Variants in SNAP23 observed in about 807,000 individuals in gnomAD.
SNAP23 encodes synaptosomal-associated protein 23.
Under a neutral mutation model 29.0 loss-of-function variants are expected in SNAP23, and 11 were observed. That is an observed-to-expected ratio of 0.38 (90% CI 0.24 to 0.63). The LOEUF is 0.63. Ranked by LOEUF, SNAP23 falls within the 20% of genes least tolerant of loss-of-function variation. The pLI is 0.58. For synonymous variants in SNAP23, 60 were observed against 82.9 expected (o/e 0.72, Z 1.50); for missense variants, 220 against 253.9 (o/e 0.87, Z 0.91).
upstream of SNAP23, among the ~76,000 whole-genome samples, chr15:42,494,293 C>T (rs2057196943): frequency 6.6e-6 from 1 of 151,846 alleles, no homozygotes; most frequent in Admixed American, 6.6e-5. Flanking sequence ...ACAGCTTTCA[C>T]TGAGATAATC....
At chr15:42,527,356 G>A (rs1381674955) in intron 5 of SNAP23, among the ~76,000 whole-genome samples, 1 of 151,846 alleles carries the variant, frequency 6.6e-6, no homozygotes, top group Non-Finnish European at 1.5e-5. Context: ...CTGGAACTAC[G>A]CTGGTTCAAA....
chr15:42,524,814 C>G (rs903558525), intron 5 of SNAP23, among the ~76,000 whole-genome samples: 12 of 152,246 alleles, frequency 7.9e-5, no homozygotes, highest in African/African-American at 2.9e-4. Flanking sequence ...ATTTTATTAA[C>G]TTAGATAAGC....
At chr15:42,515,541 AC>A (rs933505663) in intron 5 of SNAP23, among the ~76,000 whole-genome samples, 187 bp downstream of exon 5, 4 of 152,208 alleles carry the variant, frequency 2.6e-5, no homozygotes, top group Non-Finnish European at 5.9e-5. Flanking sequence ...ACTGTGACTT[AC>A]ATTTGACCAA....
intron 6 of SNAP23, among the ~76,000 whole-genome samples, chr15:42,529,454 CAG>C (rs536250710): frequency 1.0e-3 from 153 of 152,270 alleles, no homozygotes; most frequent in Non-Finnish European, 1.7e-3. Context: ...AACACTGTTT[CAG>C]AGTTTCTTTC....
At position 42,531,803 on chromosome 15, in the gene SNAP23, T is replaced by C; in HGVS notation, c.*325T>C. The C allele has an allele frequency of 5.1e-6, 1 of 195,932 alleles. No homozygotes were observed. The highest frequency in any genetic ancestry group is 1.0e-5 in the Non-Finnish European group (1 of 97,150). 12.1% of individuals were successfully genotyped at this position (195,932 alleles called of 1,614,324 possible). A position where few individuals can be genotyped will look rare whatever the true frequency, so the allele number is the denominator to read the frequency against. ...TTGGAAGCATTGCCAAAGACAGCCA[T>C]GAAGAAGGAAGCTGTAGAGGTGTTT... On this transcript the variant is annotated 3_prime_UTR_variant, in exon 8 of 8. Transcript: ENST00000249647.
intron 1 of SNAP23, among the ~76,000 whole-genome samples, chr15:42,496,208 G>T (rs976385103): frequency 5.9e-5 from 9 of 152,118 alleles, no homozygotes; most frequent in Non-Finnish European, 1.2e-4. Context: ...GTGGTGGGGG[G>T]AAAAAGTACT....
chr15:42,504,757 A>C (rs2057304092), intron 1 of SNAP23, among the ~76,000 whole-genome samples: 1 of 152,204 alleles, frequency 6.6e-6, no homozygotes, highest in Non-Finnish European at 1.5e-5. Flanking sequence ...ACTTGGGGTC[A>C]CACAACAAAT....
At chr15:42,527,553 T>C (rs147634602) in intron 5 of SNAP23, among the ~76,000 whole-genome samples, 1,530 of 151,924 alleles carry the variant, frequency 0.01, 34 homozygotes, top group African/African-American at 0.035. Context: ...ACCCAGCTAA[T>C]GTTTGTATTT....
chr15:42,525,185 G>A (rs139766543), intron 5 of SNAP23, among the ~76,000 whole-genome samples: 1,900 of 151,898 alleles, frequency 0.013, 19 homozygotes, highest in African/African-American at 0.033. Context: ...TGGCTAACAC[G>A]GTGAAACCCT....
At chr15:42,517,215 C>T (rs1041813063) in intron 5 of SNAP23, among the ~76,000 whole-genome samples, 5 of 152,158 alleles carry the variant, frequency 3.3e-5, no homozygotes, top group South Asian at 4.1e-4. Flanking sequence ...CCACTGCTCC[C>T]GGCCAAAAGT....
At chr15:42,511,536 T>C (rs2141523490) in intron 1 of SNAP23, among the ~76,000 whole-genome samples, 1 of 152,334 alleles carries the variant, frequency 6.6e-6, no homozygotes, top group South Asian at 2.1e-4. Context: ...TGTCTTCCAG[T>C]AATGCCTTGC....
intron 5 of SNAP23, among the ~76,000 whole-genome samples, chr15:42,526,163 T>G (rs550111541): frequency 1.3e-5 from 2 of 152,366 alleles, no homozygotes; most frequent in African/African-American, 4.8e-5. Context: ...TTGTGGTTAT[T>G]AACTTTCTGA....
chr15:42,494,762 G>A (rs62019280), upstream of SNAP23, among the ~76,000 whole-genome samples: 2 of 152,054 alleles, frequency 1.3e-5, no homozygotes, highest in East Asian at 3.9e-4. Flanking sequence ...TGATCTGCCC[G>A]CTTCAGCCTC....
chr15:42,500,744 A>G (rs2057262699), intron 1 of SNAP23, among the ~76,000 whole-genome samples: 1 of 152,210 alleles, frequency 6.6e-6, no homozygotes, highest in Admixed American at 6.6e-5. Flanking sequence ...AGAAGGATCC[A>G]GTGCCTCTAA....
intron 6 of SNAP23, 54 bp downstream of exon 6, chr15:42,528,474 A>G: frequency 6.4e-7 from 1 of 1,568,684 alleles, no homozygotes; most frequent in South Asian, 1.1e-5. Context: ...TGGTTCACTT[A>G]GGAGATGAGT....
upstream of SNAP23, among the ~76,000 whole-genome samples, chr15:42,493,214 C>T (rs1174719040): frequency 6.6e-6 from 1 of 151,904 alleles, no homozygotes; most frequent in African/African-American, 2.4e-5. Flanking sequence ...TGGTGGTGCA[C>T]ACCTGTAGTC....
intron 5 of SNAP23, among the ~76,000 whole-genome samples, chr15:42,522,705 G>A (rs57100967): frequency 0.028 from 3,527 of 126,168 alleles, 159 homozygotes; most frequent in African/African-American, 0.11. Context: ...TAATATTGAT[G>A]CAACCAAAAC....
At chr15:42,499,152 T>C (rs139096493) in intron 1 of SNAP23, among the ~76,000 whole-genome samples, 429 of 151,852 alleles carry the variant, frequency 2.8e-3, no homozygotes, top group African/African-American at 9.8e-3. Context: ...CACCTCAATC[T>C]CCACCTCCCG....
intron 1 of SNAP23, among the ~76,000 whole-genome samples, chr15:42,499,883 C>A (rs2057253798): frequency 6.6e-6 from 1 of 152,152 alleles, no homozygotes; most frequent in Non-Finnish European, 1.5e-5. Flanking sequence ...GTGGTTCATG[C>A]CTGTAATTCC....
Sources: allele counts gnomAD v4.1 joint callset (sites outside exome capture counted in the v4.1 genomes callset), GRCh38; gene constraint gnomAD v4.1.1; transcripts MANE v1.5; gene names NCBI Gene and HGNC (gene_info 2026-07-23, HGNC 2026-07-21).